SCAF8: variants seen among roughly 807,000 people sequenced by gnomAD.
SCAF8 encodes SR-related and CTD-associated factor 8.
A neutral mutation model predicts 140.5 loss-of-function variants in SCAF8; 23 were observed. The observed-to-expected ratio is 0.16, with a 90% CI of 0.12 to 0.23. The LOEUF is 0.23. SCAF8 is among the 10% of genes least tolerant of loss of function. The pLI is 1.00. For synonymous variants in SCAF8, 575 were observed against 528.9 expected (o/e 1.09, Z -1.20); for missense variants, 1,397 against 1,555.7 (o/e 0.90, Z 1.72).
rs576264799 is a variant in SCAF8 at position 154,733,640 on chromosome 6, C to T, written c.-261C>T. On this transcript the variant is annotated 5_prime_UTR_variant, in exon 1 of 20. Coordinates refer to ENST00000367178, the MANE Select transcript of SCAF8 (RefSeq NM_014892.5). ...GGCCCAGCCCCTCCCCCGCCCGCCG[C>T]CGACCCGCCCCGGCAGCGCCTCTGT... 3.1e-6 allele frequency: 4 copies of T among 1,288,624 alleles called. No homozygotes were observed. Among genetic ancestry groups the T allele is most frequent in the South Asian group, 2.5e-5 (1 of 39,656 alleles). 79.8% of individuals were successfully genotyped at this position (1,288,624 alleles called of 1,614,324 possible). A position where few individuals can be genotyped will look rare whatever the true frequency, so the allele number is the denominator to read the frequency against.
chr6:154,819,973 A>G (rs1379780571), intron 14 of SCAF8, among the ~76,000 whole-genome samples: 2 of 151,914 alleles, frequency 1.3e-5, no homozygotes, highest in Non-Finnish European at 2.9e-5. Flanking sequence ...TGGGTGACTG[A>G]GTGAGACCCT....
At chr6:154,733,976 C>A in intron 1 of SCAF8, 46 bp downstream of exon 1, 1 of 1,488,910 alleles carries the variant, frequency 6.7e-7, no homozygotes, top group Non-Finnish European at 8.9e-7. Context: ...GCACCGCCCC[C>A]ACCCCTGGTC....
At chr6:154,772,472 T>C (rs1776795951) in intron 1 of SCAF8, among the ~76,000 whole-genome samples, 2 of 152,166 alleles carry the variant, frequency 1.3e-5, no homozygotes, top group South Asian at 4.1e-4. Flanking sequence ...GGCAGATTGC[T>C]TGAGCCCAGC....
At chr6:154,828,446 C>G (rs1408977162) in intron 18 of SCAF8, among the ~76,000 whole-genome samples, 6 of 151,974 alleles carry the variant, frequency 3.9e-5, no homozygotes, top group Non-Finnish European at 7.4e-5. Flanking sequence ...TTGTCCCTCT[C>G]TCCCTTTTTT....
At chr6:154,776,250 G>A (rs1340061369) in intron 2 of SCAF8, among the ~76,000 whole-genome samples, 3 of 151,050 alleles carry the variant, frequency 2.0e-5, no homozygotes, top group African/African-American at 7.3e-5. Context: ...TAGACCAGTT[G>A]TTTTTCACTA....
At chr6:154,769,323 A>AAAG (rs953903407) in intron 1 of SCAF8, among the ~76,000 whole-genome samples, 7 of 152,160 alleles carry the variant, frequency 4.6e-5, no homozygotes, top group African/African-American at 1.7e-4. Flanking sequence ...CAACCTCCCA[A>AAAG]AAGAAAACAA....
chr6:154,738,885 T>C (rs1275803838), intron 1 of SCAF8, among the ~76,000 whole-genome samples: 1 of 152,196 alleles, frequency 6.6e-6, no homozygotes, highest in Non-Finnish European at 1.5e-5. Flanking sequence ...GTTCTATTGT[T>C]TTTTTGTTTC....
chr6:154,816,983 T>G (rs1778269244), intron 13 of SCAF8, among the ~76,000 whole-genome samples: 1 of 152,172 alleles, frequency 6.6e-6, no homozygotes, highest in African/African-American at 2.4e-5. Flanking sequence ...ACTTCAGATT[T>G]CTCTTTCTTT....
At chr6:154,780,063 G>C (rs1268963271) in intron 3 of SCAF8, among the ~76,000 whole-genome samples, 1 of 151,964 alleles carries the variant, frequency 6.6e-6, no homozygotes, top group East Asian at 1.9e-4. Context: ...CACATATATA[G>C]ATTCATATAA....
intron 1 of SCAF8, among the ~76,000 whole-genome samples, chr6:154,735,055 C>G (rs1778376793): frequency 6.7e-6 from 1 of 149,208 alleles, no homozygotes; most frequent in Non-Finnish European, 1.5e-5. Context: ...ACCTGGGAAG[C>G]GGAGGTTGCA....
In SCAF8 at chr6:154,802,124, G is replaced by A. The variant is rs1224223765; in HGVS notation, c.760G>A (p.Glu254Lys). Residue 254 changes from glutamate (E) to lysine (K), a missense_variant, in exon 7 of 20, where the codon GAA becomes AAA. Around this residue, in one of 5 missense-constraint regions of SCAF8, gnomAD observed 339 missense variants for 407.5 expected, o/e 0.83. Coordinates refer to ENST00000367178, the MANE Select transcript of SCAF8 (RefSeq NM_014892.5). ...AAAANTLTPL[E>K]QGVSFNKKLM... ...AGCTGCCAACACTCTTACTCCCTTA[G>A]AACAGGGAGTCTCCTTTAACAAGGT... 1.9e-6 allele frequency: 3 copies of A among 1,596,662 alleles called. No homozygotes were observed. Among genetic ancestry groups the A allele is most frequent in the Admixed American group, 1.8e-5 (1 of 55,976 alleles).
chr6:154,820,334 G>A lies in SCAF8; in HGVS notation c.1792+1G>A. 6.2e-7 allele frequency: 1 copy of A among 1,600,516 alleles called. No individual in the cohort carries two copies. Among genetic ancestry groups the A allele is most frequent in the Non-Finnish European group, 8.5e-7 (1 of 1,175,752 alleles). ...ATTGATCAGGAGACTGTAAATACTG[G>A]TAAGAATTCTAAGGTCTTTTTATTG... On this transcript the variant is annotated splice_donor_variant, in intron 15 of 19. Transcript: ENST00000367178. LOFTEE classifies it high-confidence loss of function.
At position 154,821,653 on chromosome 6, in the gene SCAF8, A is replaced by G. The variant is rs1053068626; in HGVS notation, c.1793-623A>G. On this transcript the variant is annotated intron_variant, in intron 15 of 19. Transcript: ENST00000367178. ...GCAGGCAGCCATCTGGGGAAAGAGT[A>G]TTCTATATGGAGGGAACAGCAAGTG... 5.9e-5 allele frequency among the ~76,000 whole-genome samples: 9 copies of G among 152,248 alleles called. 1 individual carries two copies. The highest frequency in any genetic ancestry group is 2.6e-4 in the Admixed American group (4 of 15,280).
At chr6:154,790,682 T>A (rs932548681) in intron 4 of SCAF8, among the ~76,000 whole-genome samples, 2 of 151,878 alleles carry the variant, frequency 1.3e-5, no homozygotes, top group Non-Finnish European at 2.9e-5. Context: ...GGCTAATGTT[T>A]TGTATTTTTA....
chr6:154,769,363 G>A (rs534355254), intron 1 of SCAF8, among the ~76,000 whole-genome samples: 1 of 152,162 alleles, frequency 6.6e-6, no homozygotes, highest in Non-Finnish European at 1.5e-5. Flanking sequence ...ATGGACTAGT[G>A]CTTGATTGAA....
intron 4 of SCAF8, among the ~76,000 whole-genome samples, chr6:154,790,300 A>G (rs991126196): frequency 2.0e-5 from 3 of 152,164 alleles, no homozygotes; most frequent in Admixed American, 6.5e-5. Flanking sequence ...AGAAATAGTC[A>G]AATCAGAAAG....
chr6:154,791,819 A>G (rs1256248679), intron 4 of SCAF8, among the ~76,000 whole-genome samples: 1 of 152,132 alleles, frequency 6.6e-6, no homozygotes, highest in East Asian at 1.9e-4. Flanking sequence ...AGACTAAAAC[A>G]AAAATGTGAT....
rs771171773 is a variant in SCAF8, at chr6:154,832,803, G to T, written c.3224G>T (p.Gly1075Val). Residue 1075 changes from glycine (G) to valine (V), a missense_variant, in exon 20 of 20, where the codon GGT becomes GTT. Gly to Val is a moderately radical substitution (Grantham distance 109). Around this residue, in one of 5 missense-constraint regions of SCAF8, gnomAD observed 930 missense variants for 874.6 expected, o/e 1.06. Coordinates refer to ENST00000367178, the MANE Select transcript of SCAF8 (RefSeq NM_014892.5). ...VDIRENLVRP[G>V]IDHLGRRDHF... ...ATAAGAGAGAATCTTGTGAGGCCAG[G>T]TATAGATCATCTTGGTCGAAGAGAC... The T allele has an allele frequency of 4.3e-6, 7 of 1,613,976 alleles. No homozygotes were observed. The East Asian group carries it at 1.6e-4, about 36-fold the overall frequency.
upstream of SCAF8, chr6:154,733,412 C>G: frequency 1.4e-6 from 2 of 1,398,122 alleles, no homozygotes; most frequent in East Asian, 6.1e-5. Context: ...GACTCGAGTC[C>G]GCCATATTGG....
Sources: allele counts gnomAD v4.1 joint callset (sites outside exome capture counted in the v4.1 genomes callset), GRCh38; gene constraint gnomAD v4.1.1; regional missense constraint gnomAD v4.1.1; transcripts MANE v1.5; gene names NCBI Gene and HGNC (gene_info 2026-07-23, HGNC 2026-07-21).